Variants in HIVEP3 observed in about 807,000 individuals in gnomAD.
HIVEP3 encodes transcription factor HIVEP3.
A neutral mutation model predicts 152.8 loss-of-function variants in HIVEP3; 49 were observed. The ratio of observed to expected loss-of-function variants is 0.32; its 90% CI spans 0.26 to 0.41. The LOEUF (loss-of-function observed/expected upper bound fraction) is 0.41, where lower values mean the gene tolerates loss of function less well. HIVEP3 is among the 10% of genes least tolerant of loss of function. The probability of loss-of-function intolerance (pLI) is 1.00; values close to 1 mark genes in which losing one functional copy is unlikely to be tolerated. For synonymous variants in HIVEP3, 1,269 were observed against 1,289.0 expected (o/e 0.98, Z 0.33); for missense variants, 2,790 against 3,103.3 (o/e 0.90, Z 2.40).
At chr1:41,849,731 C>T (rs1444507104) in intron 1 of HIVEP3, among the ~76,000 whole-genome samples, 3 of 151,676 alleles carry the variant, frequency 2.0e-5, no homozygotes, top group Admixed American at 1.3e-4. Context: ...TGCCCTGTCG[C>T]CCAGGCTGGA....
intron 3 of HIVEP3, among the ~76,000 whole-genome samples, chr1:41,605,366 C>T (rs532821157): frequency 0.01 from 1,180 of 114,520 alleles, 18 homozygotes; most frequent in African/African-American, 0.039. Context: ...CATACACACA[C>T]GCACACGCGC....
At chr1:41,643,038 T>C (rs1330661069) in intron 2 of HIVEP3, among the ~76,000 whole-genome samples, 3 of 152,214 alleles carry the variant, frequency 2.0e-5, no homozygotes, top group African/African-American at 7.2e-5. Context: ...CCTACGCCCA[T>C]GAGCCCCTCT....
rs775439332 is a variant in HIVEP3, at chr1:41,584,305, C to T, written c.493G>A (p.Val165Met). Residue 165 changes from valine to methionine, a missense_variant, in exon 4 of 9, where the codon GTG (valine) becomes ATG (methionine). Around this residue, in one of 9 missense-constraint regions of HIVEP3, gnomAD observed 209 missense variants for 237.0 expected, o/e 0.88. Coordinates refer to ENST00000372583, the MANE Select transcript of HIVEP3 (RefSeq NM_024503.5). The surrounding 1 kb of genome is among the most constrained non-coding windows in gnomAD (Gnocchi z 5.2). The stretch of plus-strand genomic sequence containing the variant: ...AAGGAGACCTGGGAAGGACGAGGCA[C>T]GAAGACTTTGGGGACTCCAGGAAGG... ...EDLPGVPKVF[V>M]PRPSQVSLKP... 68 of 1,613,582 alleles carry T rather than the reference C, an allele frequency of 4.2e-5. No homozygotes were observed. The highest frequency in any genetic ancestry group is 1.0e-4 in the Admixed American group (6 of 59,946).
At chr1:41,538,667 C>T (rs571316879) in intron 5 of HIVEP3, among the ~76,000 whole-genome samples, 47 of 152,162 alleles carry the variant, frequency 3.1e-4, no homozygotes, top group Admixed American at 8.5e-4. Context: ...TTCTGGGTGA[C>T]GAAGAGCAGA....
intron 6 of HIVEP3, among the ~76,000 whole-genome samples, chr1:41,518,919 A>G (rs993859017): frequency 1.4e-5 from 2 of 145,360 alleles, no homozygotes; most frequent in Admixed American, 7.1e-5. Flanking sequence ...ATGACGTGGG[A>G]GGCTCCCATT....
intron 1 of HIVEP3, among the ~76,000 whole-genome samples, chr1:41,969,294 A>G (rs1645216105): frequency 6.6e-6 from 1 of 152,202 alleles, no homozygotes; most frequent in South Asian, 2.1e-4. Context: ...ACATCATGCT[A>G]CCTGAGTTCA....
intron 2 of HIVEP3, among the ~76,000 whole-genome samples, chr1:41,694,630 C>T (rs1019340142): frequency 3.9e-5 from 6 of 152,204 alleles, no homozygotes; most frequent in African/African-American, 7.2e-5. Flanking sequence ...TACTAGACTG[C>T]GTGTCATGTG....
chr1:41,924,919 A>G (rs1644960338), intron 1 of HIVEP3, among the ~76,000 whole-genome samples: 2 of 152,140 alleles, frequency 1.3e-5, no homozygotes, highest in African/African-American at 2.4e-5. Flanking sequence ...AAAGTAACCA[A>G]TGCCTCCAAT....
intron 1 of HIVEP3, among the ~76,000 whole-genome samples, chr1:41,858,554 C>T (rs1036005836): frequency 2.0e-5 from 3 of 152,188 alleles, no homozygotes; most frequent in African/African-American, 7.2e-5. Context: ...CTCATCATCC[C>T]TCATTTATTC....
At chr1:41,548,849 T>C (rs1643865061) in intron 5 of HIVEP3, among the ~76,000 whole-genome samples, 1 of 152,208 alleles carries the variant, frequency 6.6e-6, no homozygotes, top group South Asian at 2.1e-4. Flanking sequence ...TGAAACTTTT[T>C]ATTTTCCAAC....
At chr1:41,560,516 C>T (rs1348683405) in intron 5 of HIVEP3, among the ~76,000 whole-genome samples, 1 of 152,198 alleles carries the variant, frequency 6.6e-6, no homozygotes, top group Non-Finnish European at 1.5e-5. Flanking sequence ...GGGAAAGACA[C>T]TCAGCCACAC....
In HIVEP3 at chr1:41,817,877, T is replaced by C. The variant is rs539326471; in HGVS notation, c.-801+100536A>G. On this transcript the variant is annotated intron_variant, in intron 1 of 8. Coordinates refer to ENST00000372583, the MANE Select transcript of HIVEP3 (RefSeq NM_024503.5). ...TGACTGAGTGCAGAACTGCCCTCTT[T>C]GAAGAAAGCAGGTGGGGAGGGAGGA... Among the ~76,000 whole-genome samples, 3 of 152,220 alleles carry C rather than the reference T, an allele frequency of 2.0e-5. No homozygotes were observed. The East Asian group carries it at 5.8e-4, about 29-fold the overall frequency.
chr1:42,013,166 C>A (rs1324457125), intron 1 of HIVEP3, among the ~76,000 whole-genome samples: 1 of 152,168 alleles, frequency 6.6e-6, no homozygotes, highest in East Asian at 1.9e-4. Context: ...CTCCCTATGT[C>A]TCTTCATACT....
chr1:41,682,499 C>T (rs142248463), intron 2 of HIVEP3, among the ~76,000 whole-genome samples: 1 of 152,304 alleles, frequency 6.6e-6, no homozygotes, highest in African/African-American at 2.4e-5. Context: ...CCGCCGAATA[C>T]CCTGTGGTTG....
intron 5 of HIVEP3, among the ~76,000 whole-genome samples, chr1:41,549,432 C>T (rs1643872674): frequency 6.6e-6 from 1 of 152,190 alleles, no homozygotes; most frequent in Non-Finnish European, 1.5e-5. Flanking sequence ...AATTCTAGAT[C>T]TTTGAGGAAT....
In HIVEP3 at chr1:41,884,929, A is replaced by C. The variant is rs190220918; in HGVS notation, c.-801+33484T>G. ...TTACCATCACCATAACTCTTAGCCCAACCATTCCTCTTCAGATCCAAGGAT... is the reference window on the plus strand; with the variant it reads ...TTACCATCACCATAACTCTTAGCCCCACCATTCCTCTTCAGATCCAAGGAT... On this transcript the variant is annotated intron_variant, in intron 1 of 8. Transcript: ENST00000372583. Among the ~76,000 whole-genome samples the C allele has an allele frequency of 2.1e-3, 325 of 152,298 alleles. 2 individuals are homozygous for C. The highest frequency in any genetic ancestry group is 7.7e-3 in the African/African-American group (319 of 41,562).
rs560831422 is a variant in HIVEP3 at position 41,557,546 on chromosome 1, G to T, written c.5207+17998C>A. ...TGCAAAGGCATTGGGGAATGAAGGCGCAGGCTCTGGAAGGAAGCAACCAGC... is the reference window on the plus strand; with the variant it reads ...TGCAAAGGCATTGGGGAATGAAGGCTCAGGCTCTGGAAGGAAGCAACCAGC... On this transcript the variant is annotated intron_variant, in intron 5 of 8. Coordinates refer to ENST00000372583, the MANE Select transcript of HIVEP3 (RefSeq NM_024503.5). Among the ~76,000 whole-genome samples, 5 of 152,268 alleles carry T rather than the reference G, an allele frequency of 3.3e-5. No homozygotes were observed. In the South Asian group the frequency reaches 1.0e-3, roughly 32 times the overall value.
At chr1:41,516,923 A>G (rs1476910941) in intron 7 of HIVEP3, among the ~76,000 whole-genome samples, 1 of 152,244 alleles carries the variant, frequency 6.6e-6, no homozygotes, top group Non-Finnish European at 1.5e-5. Context: ...CTTCACAGGC[A>G]GGGCCCCTGC....
At chr1:41,605,375 GCACACACACACACA>G (rs57942643) in intron 3 of HIVEP3, among the ~76,000 whole-genome samples, 2 of 126,622 alleles carry the variant, frequency 1.6e-5, no homozygotes, top group South Asian at 2.4e-4. Context: ...ACGCACACGC[GCACACACACACACA>G]CACACACACA....
Sources: gnomAD v4.1 joint callset for allele counts (sites outside exome capture counted in the v4.1 genomes callset) on GRCh38, gnomAD v4.1.1 for gene constraint, gnomAD v4.1.1 regional missense constraint, Gnocchi (gnomAD v3.1) non-coding constraint, MANE v1.5 for transcripts, NCBI Gene and HGNC (gene_info 2026-07-23, HGNC 2026-07-21) for gene names.